The following AKT3 variants were observed in gnomAD, a reference collection of about 807,000 sequenced individuals.
AKT3 encodes the protein RAC-gamma serine/threonine-protein kinase.
A neutral mutation model predicts 65.3 loss-of-function variants in AKT3; 15 were observed. The ratio of observed to expected loss-of-function variants is 0.23; its 90% CI spans 0.15 to 0.35. The LOEUF (loss-of-function observed/expected upper bound fraction) is 0.35. Among genes scored for constraint, AKT3 ranks in the 10% least tolerant of loss-of-function variants. AKT3 has a pLI of 1.00. For synonymous variants in AKT3, 206 were observed against 183.8 expected, an observed-to-expected ratio of 1.12 and a Z score of -0.98; for missense variants, 243 against 576.5, an observed-to-expected ratio of 0.42 and a Z score of 5.92.
intron 2 of AKT3, among the ~76,000 whole-genome samples, chr1:243,719,856 T>G (rs1488981872): frequency 1.3e-5 from 2 of 152,106 alleles, no homozygotes; most frequent in Admixed American, 1.3e-4. Flanking sequence ...CCAAGACAGC[T>G]GCAAAAAACA....
intron 2 of AKT3, among the ~76,000 whole-genome samples, chr1:243,695,990 T>C (rs1572186009): frequency 6.6e-6 from 1 of 152,082 alleles, no homozygotes; most frequent in East Asian, 1.9e-4. Context: ...ACACATTTTG[T>C]TCAGTTTTTC....
intron 8 of AKT3, chr1:243,613,106 T>TAC (rs1558653620): frequency 7.0e-6 from 1 of 142,718 alleles, no homozygotes. Context: ...CACACATATA[T>TAC]ACCCACCCAT....
At chr1:243,734,561 A>G (rs571906185) in intron 2 of AKT3, among the ~76,000 whole-genome samples, 5 of 152,280 alleles carry the variant, frequency 3.3e-5, no homozygotes, top group South Asian at 4.1e-4. Flanking sequence ...GGTAAAAAAA[A>G]AAGTGGCACA....
chr1:243,505,401 GT>G (rs1669601440), intron 13 of AKT3, 67 bp from the exon 14 acceptor site: 8 of 1,399,834 alleles, frequency 5.7e-6, no homozygotes, highest in Non-Finnish European at 8.1e-6. Context: ...TCTAGTCTAT[GT>G]TTTTTAAACT....
At chr1:243,816,634 T>C (rs1693537934) in intron 2 of AKT3, among the ~76,000 whole-genome samples, 1 of 151,456 alleles carries the variant, frequency 6.6e-6, no homozygotes, top group Admixed American at 6.6e-5. Flanking sequence ...ACAGGCAAAG[T>C]AAAACAACAC....
At chr1:243,799,958 G>A (rs943021325) in intron 2 of AKT3, among the ~76,000 whole-genome samples, 1 of 152,118 alleles carries the variant, frequency 6.6e-6, no homozygotes, top group Admixed American at 6.5e-5. Context: ...GGGGATCCAA[G>A]TAACTGAATT....
chr1:243,663,729 A>T (rs563444877), intron 4 of AKT3, among the ~76,000 whole-genome samples: 1 of 152,324 alleles, frequency 6.6e-6, no homozygotes, highest in African/African-American at 2.4e-5. Context: ...AACTTTGTGT[A>T]TTCATTTGGA....
intron 2 of AKT3, among the ~76,000 whole-genome samples, chr1:243,753,733 A>G (rs558882504): frequency 1.3e-5 from 2 of 152,306 alleles, no homozygotes; most frequent in African/African-American, 4.8e-5. Context: ...ATTGTCTGCT[A>G]TGTCAAACAC....
intron 2 of AKT3, among the ~76,000 whole-genome samples, chr1:243,841,577 T>C (rs1695243675): frequency 6.6e-6 from 1 of 152,162 alleles, no homozygotes; most frequent in Non-Finnish European, 1.5e-5. Flanking sequence ...ATACAAATGG[T>C]CAGGCACATC....
chr1:243,654,530 G>C (rs1002455302), intron 4 of AKT3, among the ~76,000 whole-genome samples: 2 of 152,110 alleles, frequency 1.3e-5, no homozygotes, highest in African/African-American at 4.8e-5. Flanking sequence ...TGTTGCCCAG[G>C]CTGGTCTTGA....
chr1:243,728,604 T>A (rs1687358233), intron 2 of AKT3, among the ~76,000 whole-genome samples: 1 of 152,194 alleles, frequency 6.6e-6, no homozygotes, highest in African/African-American at 2.4e-5. Context: ...GGACAGGCAA[T>A]CCCAATGCTT....
chr1:243,512,581 G>A (rs146437185), intron 12 of AKT3, among the ~76,000 whole-genome samples, 155 bp from the exon 13 acceptor site: 1 of 152,308 alleles, frequency 6.6e-6, no homozygotes, highest in Non-Finnish European at 1.5e-5. Flanking sequence ...TGGCTTCCCA[G>A]TCAACAGTCT....
intron 8 of AKT3, among the ~76,000 whole-genome samples, chr1:243,594,748 A>T (rs116112183): frequency 3.3e-5 from 5 of 151,878 alleles, no homozygotes; most frequent in Admixed American, 3.3e-4. Flanking sequence ...TAATTTTTTA[A>T]ATTTTTTATT....
chr1:243,812,462 A>G (rs1572392891), intron 2 of AKT3, among the ~76,000 whole-genome samples: 1 of 152,226 alleles, frequency 6.6e-6, no homozygotes, highest in Non-Finnish European at 1.5e-5. Context: ...GCAAATCAAA[A>G]TCACAATGTG....
intron 4 of AKT3, among the ~76,000 whole-genome samples, chr1:243,658,416 C>T (rs898836748): frequency 1.3e-5 from 2 of 152,128 alleles, no homozygotes; most frequent in Admixed American, 1.3e-4. Context: ...TCACCTTACA[C>T]CTGCTAGTAT....
chr1:243,797,334 T>C (rs1217608505), intron 2 of AKT3, among the ~76,000 whole-genome samples: 1 of 152,160 alleles, frequency 6.6e-6, no homozygotes, highest in Non-Finnish European at 1.5e-5. Context: ...AAAATTATCC[T>C]GTTTGTTTAT....
chr1:243,540,276 G>A (rs899273742), intron 12 of AKT3, among the ~76,000 whole-genome samples: 1 of 151,724 alleles, frequency 6.6e-6, no homozygotes, highest in Non-Finnish European at 1.5e-5. Context: ...GGAATGCAAG[G>A]TTCACTCAAC....
At chr1:243,526,238 G>T (rs910495561) in intron 12 of AKT3, among the ~76,000 whole-genome samples, 1 of 152,120 alleles carries the variant, frequency 6.6e-6, no homozygotes, top group African/African-American at 2.4e-5. Context: ...GCACAAGCTG[G>T]AGCCCAGGAG....
chr1:243,749,239 A>C (rs1289084695), intron 2 of AKT3, among the ~76,000 whole-genome samples: 1 of 152,144 alleles, frequency 6.6e-6, no homozygotes, highest in Non-Finnish European at 1.5e-5. Context: ...AACTCTTCTG[A>C]GTACTGCTAT....
Sources: gnomAD v4.1 joint callset for allele counts (sites outside exome capture counted in the v4.1 genomes callset) on GRCh38, gnomAD v4.1.1 for gene constraint, MANE v1.5 for transcripts, NCBI Gene and HGNC (gene_info 2026-07-23, HGNC 2026-07-21) for gene names.